The following KLK12 variants were observed in gnomAD, a reference collection of about 807,000 sequenced individuals.
KLK12 encodes kallikrein related peptidase 12, also known as kallikrein-12.
Under a neutral mutation model 20.0 loss-of-function variants are expected in KLK12, and 23 were observed. The ratio of observed to expected loss-of-function variants is 1.15; its 90% confidence interval spans 0.83 to 1.63. The LOEUF is 1.63. Ranked by LOEUF, KLK12 falls within the 40% of genes most tolerant of loss-of-function variation. KLK12 has a pLI of 0.00. For synonymous variants in KLK12, 147 were observed against 141.9 expected (o/e 1.04, Z -0.25); for missense variants, 351 against 338.6 (o/e 1.04, Z -0.29).
Position 51,031,967 on chromosome 19 carries a change from G to C in KLK12, c.366C>G (p.Ser122Arg). 2.5e-6 allele frequency: 4 copies of C among 1,613,322 alleles called. No individual in the cohort carries two copies. Among genetic ancestry groups the C allele is most frequent in the South Asian group, 1.1e-5 (1 of 91,040 alleles). Residue 122 changes from serine to arginine, a missense_variant, in exon 4 of 6, where the codon AGC becomes AGG. Transcript: ENST00000684732. The part of the protein sequence containing the change: ...LRLRLPVRVT[S>R]SVQPLPLPND... ...TGGGCAGGGGCAGGGGTTGAACGCT[G>C]CTGGTTACGCGGACGGGCAGGCGCA...
intron 5 of KLK12, 75 bp downstream of exon 5, chr19:51,030,713 G>T: frequency 1.3e-6 from 2 of 1,583,432 alleles, no homozygotes; most frequent in Non-Finnish European, 8.6e-7. Flanking sequence ...TCCTCCATCA[G>T]TTCCCCTCCT....
intron 5 of KLK12, among the ~76,000 whole-genome samples, chr19:51,029,894 G>C (rs2091537545): frequency 6.6e-6 from 1 of 151,992 alleles, no homozygotes; most frequent in South Asian, 2.1e-4. Context: ...CTCCATAAAG[G>C]ATAGAGGTTC....
intron 3 of KLK12, among the ~76,000 whole-genome samples, chr19:51,033,193 A>G (rs1405668353): frequency 6.6e-6 from 1 of 150,750 alleles, no homozygotes; most frequent in Non-Finnish European, 1.5e-5. Context: ...TCCAGCTTGG[A>G]TGACAGAAAG....
intron 4 of KLK12, among the ~76,000 whole-genome samples, chr19:51,031,393 C>G (rs367768696): frequency 7.9e-5 from 12 of 151,864 alleles, no homozygotes; most frequent in Non-Finnish European, 1.5e-4. Flanking sequence ...TTTATTGGGC[C>G]CCAGCCTCCA....
In KLK12 at chr19:51,033,970, A is replaced by G. The variant is rs778321353; in HGVS notation, c.197+10T>C. ...AGTCCTCCCTTCGCCCACCCCAGGA[A>G]GGGACTTACCTGCCGCTGCAGTGAG... On this transcript the variant is annotated intron_variant, in intron 3 of 5. Coordinates refer to ENST00000684732, the MANE Select transcript of KLK12 (RefSeq NM_001370125.1). The G allele has an allele frequency of 4.3e-6, 7 of 1,610,208 alleles. No individual in the cohort carries two copies. The highest frequency in any genetic ancestry group is 5.9e-6 in the Non-Finnish European group (7 of 1,179,008).
chr19:51,034,523 C>T (rs1226804562), intron 2 of KLK12, 62 bp downstream of exon 2: 2 of 1,583,614 alleles, frequency 1.3e-6, no homozygotes, highest in African/African-American at 1.3e-5. Context: ...GGTGGGGCCT[C>T]CTCATGGGGG....
intron 2 of KLK12, 190 bp downstream of exon 2, chr19:51,034,395 A>G: frequency 7.0e-7 from 1 of 1,437,096 alleles, no homozygotes; most frequent in Non-Finnish European, 9.1e-7. Context: ...AGAGGGATCA[A>G]AAAATAGGGG....
At chr19:51,033,929 G>T in intron 3 of KLK12, 51 bp downstream of exon 3, 1 of 1,563,246 alleles carries the variant, frequency 6.4e-7, no homozygotes, top group Non-Finnish European at 8.7e-7. Flanking sequence ...CCTACCCCCA[G>T]CGCTTGCCTT....
At position 51,029,466 on chromosome 19, in the gene KLK12, G is replaced by A. The variant is rs1358116814; in HGVS notation, c.592-9C>T. 1 of 1,601,628 alleles carries A rather than the reference G, an allele frequency of 6.2e-7. No homozygotes were observed. ...GGGCCCCCAGAATCACCCTGGAAGG[G>A]AAGAGAAGTACTGTCTGAACAAGGG... On this transcript the variant is annotated splice_polypyrimidine_tract_variant and intron_variant, in intron 5 of 5. Transcript: ENST00000684732.
At chr19:51,032,677 G>A (rs561538998) in intron 3 of KLK12, among the ~76,000 whole-genome samples, 8 of 151,736 alleles carry the variant, frequency 5.3e-5, no homozygotes, top group East Asian at 2.0e-4. Flanking sequence ...GTGAGCCACC[G>A]CGCCAGGCCT....
intron 5 of KLK12, among the ~76,000 whole-genome samples, chr19:51,030,431 C>A (rs1207782694): frequency 6.6e-6 from 1 of 151,638 alleles, no homozygotes; most frequent in African/African-American, 2.4e-5. Context: ...CTCACTGCAA[C>A]CTCCGCCTCC....
intron 4 of KLK12, among the ~76,000 whole-genome samples, chr19:51,031,369 T>C (rs1050864710): frequency 2.0e-5 from 3 of 151,852 alleles, no homozygotes; most frequent in Non-Finnish European, 4.4e-5. Context: ...AACGCCAGTG[T>C]CCCCTGATCC....
intron 2 of KLK12, 113 bp from the exon 3 acceptor site, chr19:51,034,252 GAGAA>G (rs2091590163): frequency 1.7e-6 from 2 of 1,176,872 alleles, no homozygotes; most frequent in East Asian, 2.6e-5. Flanking sequence ...AAAGAGAGAC[GAGAA>G]AGAGAGAGAA....
At chr19:51,034,365 T>A in intron 2 of KLK12, 2 of 1,314,868 alleles carry the variant, frequency 1.5e-6, no homozygotes, top group Non-Finnish European at 2.0e-6. Context: ...AGACAGAGAT[T>A]CAGAGAGGGA....
chr19:51,033,347 G>A (rs1287545085), intron 3 of KLK12, among the ~76,000 whole-genome samples: 1 of 152,130 alleles, frequency 6.6e-6, no homozygotes, highest in Non-Finnish European at 1.5e-5. Flanking sequence ...CGGGTGCAGT[G>A]GCTCACACCT....
intron 3 of KLK12, 89 bp from the exon 4 acceptor site, chr19:51,032,224 CCACTGTTCTGCCCCT>C: frequency 7.1e-7 from 1 of 1,415,276 alleles, no homozygotes; most frequent in Non-Finnish European, 9.6e-7. Flanking sequence ...CTGCCGCTCC[CCACTGTTCTGCCCCT>C]CACTGTCTGT....
At chr19:51,033,925 C>G (rs900476193) in intron 3 of KLK12, 55 bp downstream of exon 3, 3 of 1,543,966 alleles carry the variant, frequency 1.9e-6, no homozygotes, top group Admixed American at 1.8e-5. Flanking sequence ...TGATCCTACC[C>G]CCAGCGCTTG....
At chr19:51,034,277 A>T in intron 2 of KLK12, 138 bp from the exon 3 acceptor site, 2 of 1,187,798 alleles carry the variant, frequency 1.7e-6, no homozygotes, top group South Asian at 2.8e-5. Flanking sequence ...AGAGAGAGAG[A>T]CCCAGTGATA....
At chr19:51,030,593 G>A (rs143693791) in intron 5 of KLK12, among the ~76,000 whole-genome samples, 195 bp downstream of exon 5, 6 of 151,746 alleles carry the variant, frequency 4.0e-5, no homozygotes, top group Admixed American at 1.3e-4. Context: ...CAAGTGATCC[G>A]CCCGCCTCGG....
Sources: gnomAD v4.1 joint callset for allele counts (sites outside exome capture counted in the v4.1 genomes callset) on GRCh38, gnomAD v4.1.1 for gene constraint, MANE v1.5 for transcripts, NCBI Gene and HGNC (gene_info 2026-07-23, HGNC 2026-07-21) for gene names.